The following AP3B1 variants were observed in gnomAD, a reference collection of about 807,000 sequenced individuals.
The protein encoded by AP3B1 is AP-3 complex subunit beta-1.
In AP3B1, 61 loss-of-function variants were observed where a neutral mutation model predicts 132.5. That is an observed-to-expected ratio of 0.46 (90% CI 0.37 to 0.57). AP3B1 has a LOEUF of 0.57. AP3B1 is among the 20% of genes least tolerant of loss of function. The pLI, the probability that AP3B1 is intolerant of heterozygous loss-of-function variation, is 0.00. For missense variants in AP3B1, 1,120 were observed against 1,289.4 expected, an observed-to-expected ratio of 0.87 and a Z score of 2.01; for synonymous variants, 388 against 438.3, an observed-to-expected ratio of 0.89 and a Z score of 1.43.
At chr5:78,078,422 C>T (rs969226207) in intron 22 of AP3B1, among the ~76,000 whole-genome samples, 4 of 152,222 alleles carry the variant, frequency 2.6e-5, no homozygotes, top group Non-Finnish European at 5.9e-5. Flanking sequence ...CTCCTTTCAA[C>T]TGTTTCACAA....
Position 78,162,904 on chromosome 5 carries a change from C to A in AP3B1, c.1278G>T (p.Gln426His), listed in dbSNP as rs767974649. 6.2e-7 allele frequency: 1 copy of A among 1,613,866 alleles called. No individual in the cohort carries two copies. The highest frequency in any genetic ancestry group is 8.5e-7 in the Non-Finnish European group (1 of 1,179,856). ...TGTTGGTTGCACATCTGCCTATAGT[C>A]TGAATAGTGGCTGCTGCAAATTGTT... ...QDKQFAAATIQTIGRCATNIL... is the reference protein window; with the variant it reads ...QDKQFAAATIHTIGRCATNIL... The change falls in exon 13 of 27, where the codon CAG (glutamine) becomes CAT (histidine). Residue 426 changes from glutamine (Q) to histidine (H), a missense_variant. Around this residue, in one of 3 missense-constraint regions of AP3B1, gnomAD observed 906 missense variants for 997.1 expected, o/e 0.91. Transcript: ENST00000255194.
At chr5:78,017,528 G>A (rs1221926110) in intron 25 of AP3B1, among the ~76,000 whole-genome samples, 1 of 152,062 alleles carries the variant, frequency 6.6e-6, no homozygotes. Flanking sequence ...GCTTATGGTA[G>A]TTAAGGGCCA....
At chr5:78,054,736 A>AT (rs1748734996) in intron 22 of AP3B1, among the ~76,000 whole-genome samples, 1 of 152,162 alleles carries the variant, frequency 6.6e-6, no homozygotes, top group Non-Finnish European at 1.5e-5. Context: ...AGGGACATGG[A>AT]TTCCCCTTGA....
At chr5:78,210,680 A>C (rs10076076) in intron 7 of AP3B1, among the ~76,000 whole-genome samples, 45,249 of 151,996 alleles carry the variant, frequency 0.3, 6,952 homozygotes, top group Middle Eastern at 0.35. Context: ...TCTCCCAGAG[A>C]AAGTTCAGTT....
intron 22 of AP3B1, among the ~76,000 whole-genome samples, chr5:78,075,864 A>T (rs894576506): frequency 6.6e-6 from 1 of 152,224 alleles, no homozygotes; most frequent in Admixed American, 6.5e-5. Context: ...TCACCCTGGC[A>T]TGGTCATCAA....
intron 22 of AP3B1, chr5:78,089,087 TGGCACAG>T: frequency 5.0e-6 from 1 of 200,422 alleles, no homozygotes; most frequent in Non-Finnish European, 1.0e-5. Context: ...CAACTTTTTG[TGGCACAG>T]TTCAGGTATA....
intron 7 of AP3B1, among the ~76,000 whole-genome samples, chr5:78,208,217 CAG>C (rs1745592399): frequency 6.6e-6 from 1 of 152,116 alleles, no homozygotes; most frequent in Non-Finnish European, 1.5e-5. Flanking sequence ...CAGATTAGAA[CAG>C]AGGGTGAAGA....
intron 17 of AP3B1, among the ~76,000 whole-genome samples, chr5:78,125,022 A>G (rs1272690197): frequency 6.6e-6 from 1 of 152,158 alleles, no homozygotes; most frequent in East Asian, 1.9e-4. Context: ...CCACATTATC[A>G]TTGTAAGGAA....
intron 12 of AP3B1, among the ~76,000 whole-genome samples, chr5:78,163,652 T>TAC (rs927773026): frequency 9.7e-5 from 14 of 144,884 alleles, no homozygotes; most frequent in South Asian, 6.6e-4. Flanking sequence ...TATATATATA[T>TAC]ACACACACAC....
At chr5:78,151,417 G>GAC (rs2112346597) in intron 14 of AP3B1, among the ~76,000 whole-genome samples, 1 of 152,232 alleles carries the variant, frequency 6.6e-6, no homozygotes, top group African/African-American at 2.4e-5. Flanking sequence ...AATAACAGTG[G>GAC]ACATCCTTGT....
At chr5:78,140,254 T>G (rs991784862) in intron 15 of AP3B1, among the ~76,000 whole-genome samples, 1 of 152,126 alleles carries the variant, frequency 6.6e-6, no homozygotes, top group Non-Finnish European at 1.5e-5. Flanking sequence ...CTATTAAAAG[T>G]GGTTTCCCTT....
At chr5:78,229,564 T>A (rs1746542579) in intron 3 of AP3B1, among the ~76,000 whole-genome samples, 1 of 108,260 alleles carries the variant, frequency 9.2e-6, no homozygotes, top group African/African-American at 3.8e-5. Context: ...GAAATCCCAT[T>A]TCTAGTAAAA....
chr5:78,187,032 C>T (rs985610295), intron 7 of AP3B1, among the ~76,000 whole-genome samples: 1 of 152,134 alleles, frequency 6.6e-6, no homozygotes, highest in Non-Finnish European at 1.5e-5. Flanking sequence ...TAATACTCAT[C>T]TTCAAAATTA....
intron 7 of AP3B1, among the ~76,000 whole-genome samples, chr5:78,191,785 G>A (rs981816401): frequency 7.2e-5 from 11 of 152,184 alleles, no homozygotes; most frequent in African/African-American, 2.7e-4. Flanking sequence ...GTATCAAGAA[G>A]GGGGCTTATG....
intron 1 of AP3B1, among the ~76,000 whole-genome samples, chr5:78,291,420 GAAAA>G (rs5868911): frequency 5.8e-5 from 5 of 85,714 alleles, no homozygotes; most frequent in East Asian, 4.3e-4. Flanking sequence ...CAGATAATTT[GAAAA>G]AAAAAAAAAA....
chr5:78,108,798 C>A (rs1751452231), intron 20 of AP3B1, among the ~76,000 whole-genome samples: 1 of 152,072 alleles, frequency 6.6e-6, no homozygotes, highest in Non-Finnish European at 1.5e-5. Flanking sequence ...AGGGGTACAA[C>A]ACAACATGAT....
chr5:78,251,013 G>A (rs992815044), intron 2 of AP3B1, among the ~76,000 whole-genome samples: 2 of 152,048 alleles, frequency 1.3e-5, no homozygotes, highest in African/African-American at 4.8e-5. Flanking sequence ...CACATAATAG[G>A]AAGGCTAAGA....
At chr5:78,201,791 A>C (rs544667634) in intron 7 of AP3B1, among the ~76,000 whole-genome samples, 1 of 152,322 alleles carries the variant, frequency 6.6e-6, no homozygotes, top group Non-Finnish European at 1.5e-5. Context: ...TTTATCTTCC[A>C]TCATTTAAAT....
chr5:78,099,630 C>T (rs1029312176), intron 21 of AP3B1, among the ~76,000 whole-genome samples: 2 of 152,132 alleles, frequency 1.3e-5, no homozygotes, highest in Non-Finnish European at 2.9e-5. Context: ...GGCGTGGTGG[C>T]TCACACCTGT....
Sources: gnomAD v4.1 joint callset for allele counts (sites outside exome capture counted in the v4.1 genomes callset) on GRCh38, gnomAD v4.1.1 for gene constraint, gnomAD v4.1.1 regional missense constraint, MANE v1.5 for transcripts, NCBI Gene and HGNC (gene_info 2026-07-23, HGNC 2026-07-21) for gene names.